Variants in SLC15A2 observed in about 807,000 individuals in gnomAD.
SLC15A2 encodes the protein solute carrier family 15 member 2.
A neutral mutation model predicts 95.5 loss-of-function variants in SLC15A2; 77 were observed. The ratio of observed to expected loss-of-function variants is 0.81; its 90% CI spans 0.67 to 0.97. The LOEUF (loss-of-function observed/expected upper bound fraction) is 0.97, where lower values mean the gene tolerates loss of function less well. SLC15A2 is among the 50% of genes least tolerant of loss of function. The pLI is 0.00. For missense variants in SLC15A2, 893 were observed against 874.4 expected (o/e 1.02, Z -0.27); for synonymous variants, 306 against 306.9 (o/e 1.00, Z 0.03).
Position 121,940,923 on chromosome 3 carries a change from G to A in SLC15A2, c.2106G>A (p.Glu702=). 2 of 1,614,206 alleles carry A rather than the reference G, an allele frequency of 1.2e-6. No homozygotes were observed. The highest frequency in any genetic ancestry group is 1.7e-6 in the Non-Finnish European group (2 of 1,180,020). Residue 702 remains glutamate (E), a synonymous_variant, in exon 22 of 22, where the codon GAG becomes GAA. Transcript: ENST00000489711. ...MGYYYVPVKT[E]DMRGPADKHI... ...ACTACTATGTTCCTGTAAAGACAGA[G>A]GATATGCGGGGTCCAGCAGATAAGC...
At chr3:121,905,041 T>A (rs939629264) in intron 3 of SLC15A2, among the ~76,000 whole-genome samples, 5 of 152,244 alleles carry the variant, frequency 3.3e-5, no homozygotes, top group Admixed American at 6.5e-5. Flanking sequence ...GTTACTGATC[T>A]ATTCAGAGAT....
At chr3:121,898,715 T>C (rs1709467095) in intron 3 of SLC15A2, among the ~76,000 whole-genome samples, 1 of 152,198 alleles carries the variant, frequency 6.6e-6, no homozygotes, top group South Asian at 2.1e-4. Context: ...AACTATAAAA[T>C]CTCCATAGAA....
chr3:121,929,438 A>G, intron 17 of SLC15A2, 90 bp downstream of exon 17: 2 of 1,386,546 alleles, frequency 1.4e-6, no homozygotes, highest in East Asian at 2.3e-5. Context: ...CTTGTTCTGA[A>G]CAGGAATTCC....
intron 19 of SLC15A2, among the ~76,000 whole-genome samples, chr3:121,938,269 G>A (rs377339345): frequency 2.0e-5 from 3 of 151,940 alleles, no homozygotes; most frequent in African/African-American, 4.8e-5. Flanking sequence ...CAGGCAGGCC[G>A]CCTTGAGCTG....
intron 1 of SLC15A2, among the ~76,000 whole-genome samples, chr3:121,895,152 G>A (rs1472830691): frequency 6.6e-6 from 1 of 152,178 alleles, no homozygotes; most frequent in African/African-American, 2.4e-5. Flanking sequence ...AAGTGGGGAG[G>A]ATATAGTAAT....
chr3:121,923,949 G>T (rs1351947270), intron 11 of SLC15A2, among the ~76,000 whole-genome samples: 1 of 152,006 alleles, frequency 6.6e-6, no homozygotes, highest in East Asian at 1.9e-4. Flanking sequence ...TCTTCTTGTT[G>T]ACCCTCTGGA....
chr3:121,912,090 AG>A (rs1276456581), intron 4 of SLC15A2, among the ~76,000 whole-genome samples: 7 of 152,368 alleles, frequency 4.6e-5, no homozygotes, highest in African/African-American at 1.7e-4. Flanking sequence ...ATGGGATCAG[AG>A]GCATTTGATA....
rs535350350 is a variant in SLC15A2, at chr3:121,894,649, C to T, written c.105+68C>T. On this transcript the variant is annotated intron_variant, in intron 1 of 21. Transcript: ENST00000489711. Reference sequence around the variant, plus strand: ...CCCTCTTTTGGCTCTCTTCCTTGGGCTCTGGAGCTTCCAGCTGAGCTGTAT... The same window carrying T: ...CCCTCTTTTGGCTCTCTTCCTTGGGTTCTGGAGCTTCCAGCTGAGCTGTAT... 3.0e-5 allele frequency: 36 copies of T among 1,207,546 alleles called. No individual in the cohort carries two copies. In the African/African-American group the frequency reaches 3.0e-4, roughly 10 times the overall value. The allele number at this position is 1,207,546 out of a possible 1,614,324, so 74.8% of individuals were successfully genotyped here.
chr3:121,918,793 C>A (rs1709946903), intron 7 of SLC15A2, among the ~76,000 whole-genome samples: 1 of 152,122 alleles, frequency 6.6e-6, no homozygotes, highest in Non-Finnish European at 1.5e-5. Context: ...AATACAACAA[C>A]AAGGAGGTCA....
At chr3:121,937,926 T>G (rs145975240) in intron 19 of SLC15A2, among the ~76,000 whole-genome samples, 4 of 151,094 alleles carry the variant, frequency 2.6e-5, no homozygotes, top group Non-Finnish European at 4.4e-5. Context: ...ATGATGGTGA[T>G]GTACAGATGG....
intron 3 of SLC15A2, among the ~76,000 whole-genome samples, chr3:121,898,846 G>A (rs1444053504): frequency 6.6e-6 from 1 of 152,080 alleles, no homozygotes. Context: ...GCTTACTTTG[G>A]CCGATATATG....
In SLC15A2 at chr3:121,928,409, C is replaced by A; in HGVS notation, c.1207-12C>A. The A allele has an allele frequency of 6.2e-7, 1 of 1,611,586 alleles. No individual in the cohort carries two copies. Among genetic ancestry groups the A allele is most frequent in the Non-Finnish European group, 8.5e-7 (1 of 1,178,964 alleles). On this transcript the variant is annotated splice_polypyrimidine_tract_variant and intron_variant, in intron 14 of 21. Transcript: ENST00000489711. ...TTTGTTGGTGATTCTGACATGTGTTCTTTGCTCTAAGGAAATGGCCCCAGC... is the reference window on the plus strand; with the variant it reads ...TTTGTTGGTGATTCTGACATGTGTTATTTGCTCTAAGGAAATGGCCCCAGC...
chr3:121,932,843 G>A (rs1710258886), intron 19 of SLC15A2, among the ~76,000 whole-genome samples: 1 of 151,958 alleles, frequency 6.6e-6, no homozygotes, highest in African/African-American at 2.4e-5. Context: ...CATGTGCCAT[G>A]CTGGTGCGCT....
In SLC15A2 at chr3:121,942,831, A is replaced by G. The variant is rs1710485751; in HGVS notation, c.*1824A>G. ...TGAGATATCCTGCAGTAAAGACACA[A>G]GATACCTTGTTTAAATTAACATGTA... is the stretch of plus-strand genomic sequence containing the variant. On this transcript the variant is annotated 3_prime_UTR_variant, in exon 22 of 22. Transcript: ENST00000489711. The G allele has an allele frequency of 6.6e-6, 1 of 152,252 alleles. No individual in the cohort carries two copies. Among genetic ancestry groups the G allele is most frequent in the African/African-American group, 2.4e-5 (1 of 41,482 alleles). The allele number at this position is 152,252 out of a possible 1,614,324, so 9.4% of individuals were successfully genotyped here.
intron 5 of SLC15A2, 198 bp from the exon 6 acceptor site, chr3:121,915,029 G>T: frequency 7.4e-7 from 1 of 1,359,992 alleles, no homozygotes; most frequent in Non-Finnish European, 9.5e-7. Flanking sequence ...AAGCTGCTCT[G>T]GAGTTTGAAA....
intron 3 of SLC15A2, among the ~76,000 whole-genome samples, chr3:121,909,264 T>G (rs751833907): frequency 1.3e-5 from 2 of 152,036 alleles, no homozygotes; most frequent in Non-Finnish European, 2.9e-5. Context: ...GGTTTCACTG[T>G]GTTGGCCAGG....
chr3:121,907,800 G>C (rs1181880733), intron 3 of SLC15A2, among the ~76,000 whole-genome samples: 1 of 152,226 alleles, frequency 6.6e-6, no homozygotes, highest in Non-Finnish European at 1.5e-5. Flanking sequence ...TCCCCACTGA[G>C]AGGTGTCTCC....
At chr3:121,925,725 A>AGTATATAT (rs1559850279) in intron 13 of SLC15A2, among the ~76,000 whole-genome samples, 8 of 56,312 alleles carry the variant, frequency 1.4e-4, no homozygotes, top group Admixed American at 2.5e-4. Context: ...AAGGGGCTAG[A>AGTATATAT]CTATATATAT....
chr3:121,931,737 T>C lies in SLC15A2; in HGVS notation c.1761+2T>C, dbSNP rs1175374313. On this transcript the variant is annotated splice_donor_variant, in intron 19 of 21. Transcript: ENST00000489711. LOFTEE classifies it high-confidence loss of function. ...GCATATCTGTTTGTTATTACTAATG[T>C]AAGTAGCTCACAGCCACCTCTTTAC... 6.3e-7 allele frequency: 1 copy of C among 1,579,574 alleles called. No homozygotes were observed. Among genetic ancestry groups the C allele is most frequent in the Non-Finnish European group, 8.7e-7 (1 of 1,148,698 alleles).
Sources: gnomAD v4.1 joint callset for allele counts (sites outside exome capture counted in the v4.1 genomes callset) on GRCh38, gnomAD v4.1.1 for gene constraint, MANE v1.5 for transcripts, NCBI Gene and HGNC (gene_info 2026-07-23, HGNC 2026-07-21) for gene names.